Variants in LRRK2 observed in about 807,000 individuals in gnomAD.
The protein encoded by LRRK2 is leucine rich repeat kinase 2.
A neutral mutation model predicts 302.6 loss-of-function variants in LRRK2; 203 were observed. That is an observed-to-expected ratio of 0.67 (90% confidence interval 0.60 to 0.75). The LOEUF is 0.75. Among genes scored for constraint, LRRK2 ranks in the 30% least tolerant of loss-of-function variants. The probability of loss-of-function intolerance (pLI) is 0.00; values close to 1 mark genes in which losing one functional copy is unlikely to be tolerated. For synonymous variants in LRRK2, 1,066 were observed against 1,031.9 expected (o/e 1.03, Z -0.63); for missense variants, 2,830 against 2,951.0 (o/e 0.96, Z 0.95).
chr12:40,363,529 C>G lies in LRRK2; in HGVS notation c.7156C>G (p.Leu2386Val). ...WDKKTEKLCG[L>V]IDCVHFLREV... ...TAAGAAAACTGAAAAACTCTGTGGA[C>G]TAATAGACTGCGTGCACTTTTTAAG... The change falls in exon 48 of 51, where the codon CTA (leucine) becomes GTA (valine). Residue 2386 changes from leucine to valine, a missense_variant. Around this residue, in one of 3 missense-constraint regions of LRRK2, gnomAD observed 456 missense variants for 456.3 expected, o/e 1.00. Coordinates refer to ENST00000298910, the MANE Select transcript of LRRK2 (RefSeq NM_198578.4). The G allele has an allele frequency of 6.2e-7, 1 of 1,611,682 alleles. No homozygotes were observed. Among genetic ancestry groups the G allele is most frequent in the Non-Finnish European group, 8.5e-7 (1 of 1,178,472 alleles).
At chr12:40,309,412 A>C (rs777794074) in intron 30 of LRRK2, among the ~76,000 whole-genome samples, 179 bp downstream of exon 30, 1 of 152,126 alleles carries the variant, frequency 6.6e-6, no homozygotes. Context: ...AAGTCATAAC[A>C]TGAAAATTGT....
chr12:40,266,754 A>C (rs897793247), intron 14 of LRRK2, among the ~76,000 whole-genome samples: 6 of 152,064 alleles, frequency 3.9e-5, no homozygotes, highest in Admixed American at 3.9e-4. Flanking sequence ...AACCAACCCA[A>C]ATGTCCAACA....
chr12:40,237,120 A>G (rs1482775722), intron 4 of LRRK2, among the ~76,000 whole-genome samples: 1 of 152,154 alleles, frequency 6.6e-6, no homozygotes, highest in Non-Finnish European at 1.5e-5. Context: ...TACCAAAAAA[A>G]AAATGTTTAG....
chr12:40,320,242 C>A, intron 34 of LRRK2, 67 bp downstream of exon 34: 1 of 1,310,694 alleles, frequency 7.6e-7, no homozygotes, highest in Non-Finnish European at 1.1e-6. Context: ...AATTGTCAAA[C>A]TAACTGTAGT....
chr12:40,313,616 C>T (rs933144215), intron 31 of LRRK2, among the ~76,000 whole-genome samples: 15 of 151,748 alleles, frequency 9.9e-5, no homozygotes, highest in South Asian at 6.2e-4. Context: ...CTTATACTAG[C>T]GTGTCTGTTT....
Position 40,354,448 on chromosome 12 carries a change from T to G in LRRK2, c.6726T>G (p.Thr2242=). ...GKKRHTLEKM[T]DSVTCLYCNS... The stretch of plus-strand genomic sequence containing the variant: ...AGAGACATACCCTAGAAAAGATGAC[T>G]GATTCTGTCACTTGTTTGTATTGCA... Residue 2242 remains threonine (T), a synonymous_variant, in exon 45 of 51, where the codon ACT becomes ACG. Transcript: ENST00000298910. The G allele has an allele frequency of 6.2e-7, 1 of 1,614,172 alleles. No homozygotes were observed. The highest frequency in any genetic ancestry group is 8.5e-7 in the Non-Finnish European group (1 of 1,180,010).
intron 12 of LRRK2, among the ~76,000 whole-genome samples, chr12:40,258,477 A>G (rs1331696306): frequency 6.6e-6 from 1 of 152,180 alleles, no homozygotes; most frequent in Non-Finnish European, 1.5e-5. Context: ...ACAGCGGAAT[A>G]AACTCCAGTC....
intron 19 of LRRK2, among the ~76,000 whole-genome samples, chr12:40,285,832 GT>G (rs1466364643): frequency 1.3e-5 from 2 of 151,904 alleles, no homozygotes; most frequent in African/African-American, 4.8e-5. Context: ...CACAGACAGT[GT>G]TTTTACTATG....
At chr12:40,236,417 G>A (rs939735768) in intron 4 of LRRK2, among the ~76,000 whole-genome samples, 5 of 152,148 alleles carry the variant, frequency 3.3e-5, no homozygotes, top group Admixed American at 2.0e-4. Flanking sequence ...CCTTCCCTGA[G>A]AAAACTTTGG....
intron 33 of LRRK2, among the ~76,000 whole-genome samples, chr12:40,317,767 A>G (rs764809070): frequency 6.6e-6 from 1 of 152,114 alleles, no homozygotes; most frequent in Admixed American, 6.6e-5. Flanking sequence ...AAGGAATGTT[A>G]GGAGCTCTTT....
At chr12:40,230,381 A>G (rs1245226797) in intron 2 of LRRK2, among the ~76,000 whole-genome samples, 3 of 151,978 alleles carry the variant, frequency 2.0e-5, no homozygotes, top group African/African-American at 7.3e-5. Flanking sequence ...TCACCTTGTC[A>G]TTCAACTCCT....
At position 40,251,356 on chromosome 12, in the gene LRRK2, A is replaced by G; in HGVS notation, c.1083A>G (p.Arg361=). The change falls in exon 9 of 51, where the codon AGA becomes AGG. Residue 361 remains arginine (R), a synonymous_variant. Coordinates refer to ENST00000298910, the MANE Select transcript of LRRK2 (RefSeq NM_198578.4). The part of the protein sequence containing the change: ...EACYKALTWH[R]KNKHVQEAAC... ...GTTACAAAGCATTAACGTGGCATAGAAAGAACAAGCACGTGCAGGTAGGAC... is the reference window on the plus strand; with the variant it reads ...GTTACAAAGCATTAACGTGGCATAGGAAGAACAAGCACGTGCAGGTAGGAC... 6.2e-7 allele frequency: 1 copy of G among 1,614,040 alleles called. No individual in the cohort carries two copies. The highest frequency in any genetic ancestry group is 8.5e-7 in the Non-Finnish European group (1 of 1,179,934).
Position 40,238,121 on chromosome 12 carries a change from A to C in LRRK2, c.571+18A>C, listed in dbSNP as rs1289664127. On this transcript the variant is annotated intron_variant, in intron 5 of 50. Transcript: ENST00000298910. ...TGAGAGAGGTATTTTAAAATGTCAA[A>C]TTCCTTAAAGTATATATAAGAAAAA... The C allele has an allele frequency of 6.2e-7, 1 of 1,612,144 alleles. No homozygotes were observed. The highest frequency in any genetic ancestry group is 1.7e-5 in the Admixed American group (1 of 59,926).
At chr12:40,341,866 C>A (rs1946054668) in intron 41 of LRRK2, among the ~76,000 whole-genome samples, 1 of 152,056 alleles carries the variant, frequency 6.6e-6, no homozygotes, top group African/African-American at 2.4e-5. Context: ...TTAAAAAAGT[C>A]AAAACAAAAC....
At chr12:40,321,243 T>C (rs1167405566) in intron 35 of LRRK2, 55 bp downstream of exon 35, 16 of 1,528,444 alleles carry the variant, frequency 1.0e-5, no homozygotes, top group African/African-American at 1.4e-5. Flanking sequence ...TTTAGACTTA[T>C]TAATTTTTAG....
rs772384656 is a variant in LRRK2, at chr12:40,367,800, T to C, written c.*35T>C. 1.3e-6 allele frequency: 2 copies of C among 1,585,564 alleles called. No individual in the cohort carries two copies. The highest frequency in any genetic ancestry group is 1.7e-5 in the Admixed American group (1 of 57,712). Reference sequence around the variant, plus strand: ...AGGAATTGTCTTTGGATAGGAAAATTATTCTCTCCTCTTGTAAATATTTAT... The same window carrying C: ...AGGAATTGTCTTTGGATAGGAAAATCATTCTCTCCTCTTGTAAATATTTAT... On this transcript the variant is annotated 3_prime_UTR_variant, in exon 51 of 51. Coordinates refer to ENST00000298910, the MANE Select transcript of LRRK2 (RefSeq NM_198578.4).
intron 45 of LRRK2, among the ~76,000 whole-genome samples, chr12:40,354,841 A>AT (rs1555195283): frequency 7.7e-3 from 43 of 5,620 alleles, no homozygotes; most frequent in South Asian, 0.029. Context: ...TGAAAAAAAA[A>AT]AAATATATAT....
At chr12:40,226,224 T>C (rs1231023069) in intron 2 of LRRK2, among the ~76,000 whole-genome samples, 3 of 152,200 alleles carry the variant, frequency 2.0e-5, no homozygotes, top group African/African-American at 7.2e-5. Context: ...GTGAAACTTT[T>C]ACAATCTGTA....
At chr12:40,301,776 C>A (rs1318364200) in intron 25 of LRRK2, among the ~76,000 whole-genome samples, 5 of 152,150 alleles carry the variant, frequency 3.3e-5, no homozygotes, top group Non-Finnish European at 5.9e-5. Flanking sequence ...GATCTAGCTA[C>A]ACTCTTTTAC....
Sources: allele counts gnomAD v4.1 joint callset (sites outside exome capture counted in the v4.1 genomes callset), GRCh38; gene constraint gnomAD v4.1.1; regional missense constraint gnomAD v4.1.1; transcripts MANE v1.5; gene names NCBI Gene and HGNC (gene_info 2026-07-23, HGNC 2026-07-21).